Variants in MNDA observed in about 807,000 individuals in gnomAD.
MNDA encodes the protein epididymis secretory sperm binding protein.
A neutral mutation model predicts 37.8 loss-of-function variants in MNDA; 43 were observed. The observed-to-expected ratio is 1.14, with a 90% CI of 0.89 to 1.47. The LOEUF is 1.47. MNDA is among the 40% of genes most tolerant of loss of function. The pLI, the probability that MNDA is intolerant of heterozygous loss-of-function variation, is 0.00. For synonymous variants in MNDA, 181 were observed against 169.0 expected (o/e 1.07, Z -0.55); for missense variants, 536 against 476.0 (o/e 1.13, Z -1.17).
In MNDA at chr1:158,839,680, G is replaced by A. The variant is rs13374135; in HGVS notation, c.-20-2454G>A. ...AATTAGGAAGTTTCCTCCTGATCAC[G>A]TCACACCATTCAAGGGAGAAAGTTA... is the stretch of plus-strand genomic sequence containing the variant. On this transcript the variant is annotated intron_variant, in intron 1 of 6. Transcript: ENST00000368141. Among the ~76,000 whole-genome samples the A allele has an allele frequency of 4.4e-3, 669 of 152,204 alleles. 3 individuals carry two copies. The highest frequency in any genetic ancestry group is 0.015 in the African/African-American group (623 of 41,516).
rs74707714 is a variant in MNDA at position 158,848,154 on chromosome 1, C to T, written c.1176+238C>T. On this transcript the variant is annotated intron_variant, in intron 6 of 6. Transcript: ENST00000368141. ...TTAATTGATTTAAAGATGTGTCTAG[C>T]GGCAGGGAACATAGGGCTCAAGAGC... Among the ~76,000 whole-genome samples the T allele has an allele frequency of 3.4e-3, 523 of 152,186 alleles. 3 individuals carry two copies. Among genetic ancestry groups the T allele is most frequent in the African/African-American group, 0.012 (481 of 41,530 alleles).
chr1:158,844,274 G>C, intron 4 of MNDA, 152 bp downstream of exon 4: 5 of 827,118 alleles, frequency 6.0e-6, no homozygotes, highest in Non-Finnish European at 7.2e-6. Flanking sequence ...GTTTACATTG[G>C]TGAGAAGCCA....
intron 2 of MNDA, 153 bp downstream of exon 2, chr1:158,842,571 A>G (rs1278095378): frequency 2.1e-5 from 14 of 672,076 alleles, no homozygotes; most frequent in Non-Finnish European, 5.1e-6. Context: ...ACCAGTTGGC[A>G]ATTTAGAACA....
intron 4 of MNDA, 27 bp from the exon 5 acceptor site, chr1:158,845,560 T>A (rs770552416): frequency 6.3e-7 from 1 of 1,581,934 alleles, no homozygotes; most frequent in Non-Finnish European, 8.6e-7. Context: ...AGTTTTAAGT[T>A]TATTTTCTTG....
At chr1:158,846,096 A>G in intron 5 of MNDA, 93 bp downstream of exon 5, 1 of 1,176,610 alleles carries the variant, frequency 8.5e-7, no homozygotes, top group South Asian at 1.6e-5. Context: ...TTGGAACACA[A>G]GAATTTATAT....
At chr1:158,841,120 G>A (rs1267688797) in intron 1 of MNDA, among the ~76,000 whole-genome samples, 2 of 152,144 alleles carry the variant, frequency 1.3e-5, no homozygotes, top group East Asian at 3.8e-4. Flanking sequence ...CTCTAAGGAA[G>A]TATTCAGAGG....
chr1:158,842,366 T>TATGCCATC lies in MNDA; in HGVS notation c.215_222dup (p.Leu75CysfsTer30). On this transcript the variant is annotated frameshift_variant, in exon 2 of 7. Coordinates refer to ENST00000368141, the MANE Select transcript of MNDA (RefSeq NM_002432.3). LOFTEE classifies it high-confidence loss of function. Reference sequence around the variant, plus strand: ...ACAAACTAATAGAACTTGCCAAAGATATGCCATCACTTAAAAACCTTGTTA... The same window carrying TATGCCATC: ...ACAAACTAATAGAACTTGCCAAAGATATGCCATCATGCCATCACTTAAAAACCTTGTTA... 6.2e-7 allele frequency: 1 copy of TATGCCATC among 1,613,752 alleles called. No homozygotes were observed. Among genetic ancestry groups the TATGCCATC allele is most frequent in the Non-Finnish European group, 8.5e-7 (1 of 1,179,918 alleles).
chr1:158,846,110 C>A, intron 5 of MNDA, 107 bp downstream of exon 5: 1 of 1,059,626 alleles, frequency 9.4e-7, no homozygotes, highest in Non-Finnish European at 1.4e-6. Flanking sequence ...TTTATATTGA[C>A]TAGAGATAGT....
chr1:158,832,729 T>C (rs548457660), intron 1 of MNDA, among the ~76,000 whole-genome samples: 16 of 152,136 alleles, frequency 1.1e-4, no homozygotes, highest in African/African-American at 1.2e-4. Context: ...AAAAAGTCTT[T>C]CTTTAAGTTA....
intron 1 of MNDA, among the ~76,000 whole-genome samples, chr1:158,832,864 A>C (rs1658832073): frequency 6.6e-6 from 1 of 152,020 alleles, no homozygotes; most frequent in African/African-American, 2.4e-5. Context: ...TTTTCCTCCT[A>C]GTTGATGAGT....
intron 1 of MNDA, among the ~76,000 whole-genome samples, chr1:158,840,326 G>A (rs1033720288): frequency 2.6e-5 from 4 of 152,126 alleles, no homozygotes; most frequent in Non-Finnish European, 5.9e-5. Flanking sequence ...GTTCCGCACG[G>A]CTGGGGAGTC....
intron 1 of MNDA, among the ~76,000 whole-genome samples, chr1:158,837,228 G>A (rs1183582345): frequency 6.6e-6 from 1 of 151,650 alleles, no homozygotes; most frequent in African/African-American, 2.4e-5. Flanking sequence ...TCTATAAGTG[G>A]TCTATAATGT....
intron 1 of MNDA, among the ~76,000 whole-genome samples, chr1:158,841,678 G>A (rs999108371): frequency 1.1e-4 from 17 of 152,164 alleles, no homozygotes; most frequent in Non-Finnish European, 2.2e-4. Context: ...CACATAAGGT[G>A]AGTGGCTGCA....
Position 158,842,276 on chromosome 1 carries a change from G to C in MNDA, c.123G>C (p.Glu41Asp), listed in dbSNP as rs745431098. 2 of 1,614,070 alleles carry C rather than the reference G, an allele frequency of 1.2e-6. No individual in the cohort carries two copies. The highest frequency in any genetic ancestry group is 1.7e-6 in the Non-Finnish European group (2 of 1,179,996). Reference sequence around the variant, plus strand: ...TAGGACTAACTACAAAAATGCAAGAGGAATACAACAGAATTAAGATTACAG... The same window carrying C: ...TAGGACTAACTACAAAAATGCAAGACGAATACAACAGAATTAAGATTACAG... ...YDLGLTTKMQ[E>D]EYNRIKITDL... The change falls in exon 2 of 7, where the codon GAG (glutamate) becomes GAC (aspartate). Residue 41 changes from glutamate (E) to aspartate (D), a missense_variant. By Grantham distance (45) the Glu-to-Asp change is conservative (BLOSUM62 2). Coordinates refer to ENST00000368141, the MANE Select transcript of MNDA (RefSeq NM_002432.3).
chr1:158,845,277 G>A (rs1156581633), intron 4 of MNDA, among the ~76,000 whole-genome samples: 3 of 152,070 alleles, frequency 2.0e-5, no homozygotes, highest in East Asian at 1.9e-4. Context: ...TCGCTCTATC[G>A]CCCAGGCTGG....
chr1:158,846,428 AGTGGATTGGCTG>A (rs1313458723), intron 5 of MNDA, among the ~76,000 whole-genome samples: 1 of 152,204 alleles, frequency 6.6e-6, no homozygotes, highest in Non-Finnish European at 1.5e-5. Flanking sequence ...TGGAGTAATA[AGTGGATTGGCTG>A]GTATGCTCAT....
chr1:158,844,229 C>A, intron 4 of MNDA, 107 bp downstream of exon 4: 1 of 1,174,168 alleles, frequency 8.5e-7, no homozygotes, highest in Non-Finnish European at 1.2e-6. Flanking sequence ...TACTGATTTG[C>A]TGTGGGAAAA....
chr1:158,834,231 A>AT (rs58502272), intron 1 of MNDA, among the ~76,000 whole-genome samples: 13,687 of 130,224 alleles, frequency 0.11, 2,324 homozygotes, highest in African/African-American at 0.35. Context: ...TCCTTTATCA[A>AT]TTTTTTTTTT....
intron 1 of MNDA, among the ~76,000 whole-genome samples, chr1:158,841,899 C>T (rs1571656716): frequency 6.6e-6 from 1 of 152,218 alleles, no homozygotes; most frequent in East Asian, 1.9e-4. Flanking sequence ...CATTTCACCA[C>T]ATACACCTCT....
Sources: allele counts gnomAD v4.1 joint callset (sites outside exome capture counted in the v4.1 genomes callset), GRCh38; gene constraint gnomAD v4.1.1; transcripts MANE v1.5; gene names NCBI Gene and HGNC (gene_info 2026-07-23, HGNC 2026-07-21).